The following IL1RAPL2 variants were observed in gnomAD, a reference collection of about 807,000 sequenced individuals.
IL1RAPL2 encodes the protein interleukin 1 receptor accessory protein like 2, also known as X-linked interleukin-1 receptor accessory protein-like 2.
IL1RAPL2 carries 3 observed loss-of-function variants against 44.1 expected under a neutral mutation model. That is an observed-to-expected ratio of 0.07 (90% confidence interval 0.03 to 0.18). The LOEUF (loss-of-function observed/expected upper bound fraction) is 0.18, where lower values mean the gene tolerates loss of function less well. IL1RAPL2 is among the 10% of genes least tolerant of loss of function. The pLI, the probability that IL1RAPL2 is intolerant of heterozygous loss-of-function variation, is 1.00. For synonymous variants in IL1RAPL2, 181 were observed against 178.8 expected, an observed-to-expected ratio of 1.01 and a Z score of -0.10; for missense variants, 391 against 496.4, an observed-to-expected ratio of 0.79 and a Z score of 2.02.
chrX:104,993,415 G>C (rs2030698382), intron 2 of IL1RAPL2, among the ~76,000 whole-genome samples: 1 of 111,746 alleles, frequency 8.9e-6, no homozygotes. Flanking sequence ...TGTTGCTGAA[G>C]ACAAAGCTAG....
intron 6 of IL1RAPL2, among the ~76,000 whole-genome samples, chrX:105,694,957 TC>T (rs1382367116): frequency 9.0e-6 from 1 of 111,301 alleles, no homozygotes; most frequent in Non-Finnish European, 1.9e-5. Context: ...TGAGACTAGT[TC>T]CTCTTTATCT....
intron 5 of IL1RAPL2, among the ~76,000 whole-genome samples, chrX:105,424,177 A>T (rs945902132): frequency 8.9e-6 from 1 of 112,389 alleles, no homozygotes; most frequent in Non-Finnish European, 1.9e-5. Context: ...CAGCTTCAGG[A>T]GGTCCTGATG....
At chrX:105,366,184 T>C (rs1478907215) in intron 5 of IL1RAPL2, among the ~76,000 whole-genome samples, 2 of 111,180 alleles carry the variant, frequency 1.8e-5, no homozygotes, top group African/African-American at 6.5e-5. Flanking sequence ...TAACCTCAAG[T>C]GATCTGCCCA....
chrX:104,912,412 C>G (rs1285781657), intron 2 of IL1RAPL2, among the ~76,000 whole-genome samples: 1 of 110,222 alleles, frequency 9.1e-6, no homozygotes, highest in African/African-American at 3.3e-5. Context: ...TGCCTCTAGC[C>G]CCATAATTCT....
intron 5 of IL1RAPL2, among the ~76,000 whole-genome samples, chrX:105,479,755 T>TAATAA (rs749634925): frequency 0.024 from 2,510 of 105,368 alleles, 76 homozygotes; most frequent in African/African-American, 0.076. Context: ...ATAAATAAAA[T>TAATAA]AATAAAATAA....
intron 2 of IL1RAPL2, among the ~76,000 whole-genome samples, chrX:105,012,672 C>CAGAG (rs753828552): frequency 0.02 from 997 of 50,036 alleles, 34 homozygotes; most frequent in African/African-American, 0.063. Flanking sequence ...CACACACACA[C>CAGAG]ACAGAGAGAG....
intron 2 of IL1RAPL2, among the ~76,000 whole-genome samples, chrX:105,133,559 A>G (rs115122737): frequency 0.088 from 9,778 of 111,617 alleles, 1,044 homozygotes; most frequent in African/African-American, 0.3. Context: ...CAACAATAAC[A>G]ATAATTACAA....
chrX:105,035,427 A>C (rs185569787), intron 2 of IL1RAPL2, among the ~76,000 whole-genome samples: 268 of 112,295 alleles, frequency 2.4e-3, no homozygotes, highest in African/African-American at 7.3e-3. Flanking sequence ...TACATTCACC[A>C]GTGTGTTCTG....
intron 4 of IL1RAPL2, among the ~76,000 whole-genome samples, chrX:105,243,437 C>A (rs910454449): frequency 9.2e-6 from 1 of 108,705 alleles, no homozygotes; most frequent in Non-Finnish European, 1.9e-5. Context: ...TTATAAATTA[C>A]CCAGTCTCAG....
At chrX:105,256,334 CTT>C (rs35418392) in intron 4 of IL1RAPL2, among the ~76,000 whole-genome samples, 1 of 100,582 alleles carries the variant, frequency 9.9e-6, no homozygotes, top group South Asian at 4.5e-4. Flanking sequence ...AATTTTTTTT[CTT>C]TTTTTTTTTT....
chrX:104,718,993 G>C (rs896253265), intron 2 of IL1RAPL2, among the ~76,000 whole-genome samples: 1 of 111,960 alleles, frequency 8.9e-6, no homozygotes, highest in Non-Finnish European at 1.9e-5. Flanking sequence ...ATAGTGGGTT[G>C]TAGTTTCTGA....
rs747092186 is a variant in IL1RAPL2, at chrX:105,510,935, AATAG to A, written c.772+26552_772+26555del. On this transcript the variant is annotated intron_variant, in intron 6 of 10. Transcript: ENST00000372582. ...CAAACTTTGTGATAACTTGCACAGC[AATAG>A]ATAACTAATAGACTTCATCTTATGA... is the stretch of plus-strand genomic sequence containing the variant. Among the ~76,000 whole-genome samples the A allele has an allele frequency of 1.2e-4, 14 of 112,118 alleles. No homozygotes were observed. The South Asian group carries it at 5.2e-3, about 42-fold the overall frequency.
intron 5 of IL1RAPL2, among the ~76,000 whole-genome samples, chrX:105,414,152 G>C (rs1168859675): frequency 9.1e-6 from 1 of 109,797 alleles, no homozygotes; most frequent in Non-Finnish European, 1.9e-5. Flanking sequence ...TTTTGAGACA[G>C]AGTCTCGCTG....
chrX:105,119,344 G>A (rs1242080789), intron 2 of IL1RAPL2, among the ~76,000 whole-genome samples: 2 of 111,016 alleles, frequency 1.8e-5, no homozygotes, highest in Non-Finnish European at 3.8e-5. Context: ...AAGTCTCATG[G>A]AACCCCAACT....
intron 1 of IL1RAPL2, among the ~76,000 whole-genome samples, chrX:104,636,706 G>T (rs1003404433): frequency 2.7e-5 from 3 of 112,090 alleles, no homozygotes; most frequent in African/African-American, 9.7e-5. Context: ...ACAGTATTAG[G>T]GTGGTAGTGA....
intron 2 of IL1RAPL2, among the ~76,000 whole-genome samples, chrX:104,918,575 C>T (rs1158519607): frequency 8.9e-6 from 1 of 112,223 alleles, no homozygotes; most frequent in Non-Finnish European, 1.9e-5. Flanking sequence ...TAGCATTTTA[C>T]TTCCACAACC....
intron 5 of IL1RAPL2, among the ~76,000 whole-genome samples, chrX:105,390,869 A>G (rs1180821330): frequency 1.8e-5 from 2 of 111,242 alleles, no homozygotes; most frequent in Non-Finnish European, 3.8e-5. Context: ...AGATAAATCT[A>G]GTGAATAAGA....
At chrX:105,344,698 G>C (rs891152006) in intron 5 of IL1RAPL2, among the ~76,000 whole-genome samples, 3 of 111,412 alleles carry the variant, frequency 2.7e-5, no homozygotes, top group Non-Finnish European at 5.6e-5. Context: ...CTGAAACTCA[G>C]ATCCTTCTGC....
intron 5 of IL1RAPL2, among the ~76,000 whole-genome samples, chrX:105,346,534 A>G (rs1471934958): frequency 7.1e-5 from 8 of 112,188 alleles, no homozygotes; most frequent in Non-Finnish European, 1.3e-4. Flanking sequence ...CTTCTGCCAA[A>G]TGGGGAAGTA....
Sources: allele counts gnomAD v4.1 joint callset (sites outside exome capture counted in the v4.1 genomes callset), GRCh38; gene constraint gnomAD v4.1.1; transcripts MANE v1.5; gene names NCBI Gene and HGNC (gene_info 2026-07-23, HGNC 2026-07-21).